The following EPC2 variants were observed in gnomAD, a reference collection of about 807,000 sequenced individuals.
The protein encoded by EPC2 is enhancer of polycomb homolog 2.
EPC2 carries 14 observed loss-of-function variants against 92.1 expected under a neutral mutation model. That is an observed-to-expected ratio of 0.15 (90% CI 0.10 to 0.24). The LOEUF is 0.24. EPC2 is among the 10% of genes least tolerant of loss of function. EPC2 has a pLI of 1.00. For synonymous variants in EPC2, 340 were observed against 334.7 expected, an observed-to-expected ratio of 1.02 and a Z score of -0.17; for missense variants, 755 against 971.5, an observed-to-expected ratio of 0.78 and a Z score of 2.96.
At chr2:148,678,729 G>A (rs1681329924) in intron 1 of EPC2, among the ~76,000 whole-genome samples, 2 of 152,238 alleles carry the variant, frequency 1.3e-5, no homozygotes, top group Admixed American at 6.5e-5. Flanking sequence ...CAGCTGGCCC[G>A]CAAGCGCTGC....
intron 1 of EPC2, among the ~76,000 whole-genome samples, chr2:148,683,580 T>C (rs1681455266): frequency 2.0e-5 from 3 of 152,202 alleles, no homozygotes; most frequent in South Asian, 4.1e-4. Context: ...ATATCATTCT[T>C]ATGCCTTTGC....
intron 2 of EPC2, among the ~76,000 whole-genome samples, chr2:148,701,665 C>A (rs1017923081): frequency 6.6e-6 from 1 of 152,124 alleles, no homozygotes; most frequent in Non-Finnish European, 1.5e-5. Context: ...CATGTATGTT[C>A]ATGAGAGCTA....
chr2:148,673,031 C>T (rs1341983960), intron 1 of EPC2, among the ~76,000 whole-genome samples: 2 of 152,124 alleles, frequency 1.3e-5, no homozygotes, highest in Non-Finnish European at 1.5e-5. Context: ...TGAGCTGTAA[C>T]GTTTCTGCTG....
intron 4 of EPC2, among the ~76,000 whole-genome samples, chr2:148,757,609 G>A (rs994250895): frequency 2.6e-5 from 4 of 151,984 alleles, no homozygotes; most frequent in African/African-American, 4.8e-5. Context: ...AGACTGAGGC[G>A]GGTGGATCAC....
chr2:148,785,112 AT>A, intron 13 of EPC2, 111 bp downstream of exon 13: 1 of 848,490 alleles, frequency 1.2e-6, no homozygotes, highest in Non-Finnish European at 1.7e-6. Flanking sequence ...GACAGACTTG[AT>A]TTTCAATAGA....
At chr2:148,719,099 A>G (rs530144885) in intron 2 of EPC2, among the ~76,000 whole-genome samples, 5 of 152,124 alleles carry the variant, frequency 3.3e-5, no homozygotes, top group African/African-American at 1.2e-4. Flanking sequence ...CAGGTCATTT[A>G]TCTTCCTCTC....
At chr2:148,652,041 C>G (rs1387740703) in intron 1 of EPC2, among the ~76,000 whole-genome samples, 1 of 152,138 alleles carries the variant, frequency 6.6e-6, no homozygotes, top group Non-Finnish European at 1.5e-5. Flanking sequence ...TATAGCTTTA[C>G]TGTTCTATCA....
chr2:148,652,604 A>C (rs918683858), intron 1 of EPC2, among the ~76,000 whole-genome samples: 1 of 152,230 alleles, frequency 6.6e-6, no homozygotes, highest in Non-Finnish European at 1.5e-5. Flanking sequence ...TCTAAAAATT[A>C]CTTGAACCTC....
chr2:148,762,884 G>A, intron 6 of EPC2, 82 bp downstream of exon 6: 3 of 1,427,764 alleles, frequency 2.1e-6, no homozygotes, highest in Non-Finnish European at 2.8e-6. Context: ...GTCTTAATAT[G>A]GTTTGAGTAA....
intron 10 of EPC2, among the ~76,000 whole-genome samples, chr2:148,777,166 ACT>A (rs1683663269): frequency 6.6e-6 from 1 of 151,790 alleles, no homozygotes; most frequent in African/African-American, 2.4e-5. Context: ...AGCCAAAGAC[ACT>A]GTCTCTTAAA....
intron 4 of EPC2, among the ~76,000 whole-genome samples, chr2:148,758,373 C>T (rs1031565381): frequency 2.9e-4 from 44 of 151,934 alleles, no homozygotes; most frequent in Admixed American, 9.8e-4. Context: ...TTTCTGTAGT[C>T]CTACAACATA....
intron 4 of EPC2, among the ~76,000 whole-genome samples, chr2:148,760,282 A>G (rs1185885664): frequency 6.6e-6 from 1 of 152,106 alleles, no homozygotes; most frequent in African/African-American, 2.4e-5. Flanking sequence ...CACACACACA[A>G]AAGCAAAACA....
intron 1 of EPC2, among the ~76,000 whole-genome samples, chr2:148,671,759 A>G (rs984260468): frequency 6.6e-6 from 1 of 151,796 alleles, no homozygotes; most frequent in Non-Finnish European, 1.5e-5. Flanking sequence ...TTTCTTAACC[A>G]TCTTTGAGTA....
intron 2 of EPC2, among the ~76,000 whole-genome samples, chr2:148,691,356 C>A (rs933238379): frequency 6.6e-6 from 1 of 152,158 alleles, no homozygotes; most frequent in Admixed American, 6.5e-5. Flanking sequence ...GGCTCAACAT[C>A]CGGCCTAGCT....
intron 2 of EPC2, among the ~76,000 whole-genome samples, chr2:148,728,186 C>T (rs1285818947): frequency 6.6e-6 from 1 of 152,120 alleles, no homozygotes; most frequent in African/African-American, 2.4e-5. Flanking sequence ...AAGCAGTCTC[C>T]CACCTCGGCC....
Position 148,784,907 on chromosome 2 carries a change from C to G in EPC2, c.2257C>G (p.Pro753Ala). ...GCATATCAATACACGGACTTCAGCACCATCGCCAACAGCCTTAAAACTTGC... is the reference window on the plus strand; with the variant it reads ...GCATATCAATACACGGACTTCAGCAGCATCGCCAACAGCCTTAAAACTTGC... ...NVHINTRTSA[P>A]SPTALKLATV... Residue 753 changes from proline (P) to alanine (A), a missense_variant, in exon 13 of 14, where the codon CCA (proline) becomes GCA (alanine). Pro to Ala is a conservative substitution (Grantham distance 27). Transcript: ENST00000258484. The G allele has an allele frequency of 6.3e-7, 1 of 1,594,758 alleles. No individual in the cohort carries two copies. Among genetic ancestry groups the G allele is most frequent in the Non-Finnish European group, 8.5e-7 (1 of 1,169,848 alleles).
At chr2:148,762,036 G>T in intron 5 of EPC2, 106 bp downstream of exon 5, 1 of 847,572 alleles carries the variant, frequency 1.2e-6, no homozygotes, top group Non-Finnish European at 1.8e-6. Context: ...TATGACAGTT[G>T]ATATTGATTC....
chr2:148,698,568 G>A (rs910050036), intron 2 of EPC2, among the ~76,000 whole-genome samples: 119 of 146,858 alleles, frequency 8.1e-4, no homozygotes, highest in African/African-American at 2.9e-3. Flanking sequence ...CCTGGGAGGT[G>A]GAGGTTTCAG....
At chr2:148,674,318 C>T (rs1216700540) in intron 1 of EPC2, among the ~76,000 whole-genome samples, 2 of 152,202 alleles carry the variant, frequency 1.3e-5, no homozygotes, top group African/African-American at 4.8e-5. Context: ...CTTTTGTTCT[C>T]TACAGTCTCC....
Sources: allele counts gnomAD v4.1 joint callset (sites outside exome capture counted in the v4.1 genomes callset), GRCh38; gene constraint gnomAD v4.1.1; transcripts MANE v1.5; gene names NCBI Gene and HGNC (gene_info 2026-07-23, HGNC 2026-07-21).